Variants in HELQ observed in about 807,000 individuals in gnomAD.
The protein encoded by HELQ is helicase POLQ-like.
In HELQ, 77 loss-of-function variants were observed where a neutral mutation model predicts 111.6. The ratio of observed to expected loss-of-function variants is 0.69; its 90% CI spans 0.57 to 0.83. The LOEUF (loss-of-function observed/expected upper bound fraction) is 0.83, where lower values mean the gene tolerates loss of function less well. Among genes scored for constraint, HELQ ranks in the 40% least tolerant of loss-of-function variants. HELQ has a pLI of 0.00. For missense variants in HELQ, 1,200 were observed against 1,288.5 expected (o/e 0.93, Z 1.05); for synonymous variants, 438 against 454.7 (o/e 0.96, Z 0.47).
chr4:83,453,248 C>G lies in HELQ; in HGVS notation c.995G>C (p.Gly332Ala), dbSNP rs1721496409. The change falls in exon 2 of 18, where the codon GGA becomes GCA. Residue 332 changes from glycine (G) to alanine (A), a missense_variant. Gly to Ala is a moderately conservative substitution (Grantham distance 60). Coordinates refer to ENST00000295488, the MANE Select transcript of HELQ (RefSeq NM_133636.5). The stretch of plus-strand genomic sequence containing the variant: ...AGCATTACCATATAATTTTTCAATT[C>G]CCTTGAATTGGGCATAAAGGTCTCT... ...KVRDLYAQFK[G>A]IEKLYEWQHT... is the part of the protein sequence containing the mutation. 6.2e-7 allele frequency: 1 copy of G among 1,603,496 alleles called. No homozygotes were observed. Among genetic ancestry groups the G allele is most frequent in the Non-Finnish European group, 8.5e-7 (1 of 1,176,698 alleles).
intron 17 of HELQ, among the ~76,000 whole-genome samples, chr4:83,412,922 G>A (rs1214236250): frequency 6.6e-6 from 1 of 152,218 alleles, no homozygotes; most frequent in African/African-American, 2.4e-5. Flanking sequence ...GAACAGACGG[G>A]TCTTGCTGGG....
intron 13 of HELQ, among the ~76,000 whole-genome samples, chr4:83,427,195 C>T (rs1054578309): frequency 1.5e-4 from 22 of 151,606 alleles, no homozygotes; most frequent in African/African-American, 5.3e-4. Context: ...TTAACCTTTA[C>T]TTTTTTCAAT....
At chr4:83,439,807 A>G (rs1720673473) in intron 8 of HELQ, 56 bp downstream of exon 8, 2 of 1,145,390 alleles carry the variant, frequency 1.7e-6, no homozygotes, top group Non-Finnish European at 2.5e-6. Context: ...AAATTAATAC[A>G]TAGTCTGTAA....
chr4:83,446,231 A>G (rs1721040134), intron 4 of HELQ, 145 bp from the exon 5 acceptor site: 1 of 591,982 alleles, frequency 1.7e-6, no homozygotes, highest in Non-Finnish European at 3.0e-6. Context: ...TAATACATGT[A>G]TATTATTTCA....
At chr4:83,431,330 CTT>C (rs928681098) in intron 11 of HELQ, among the ~76,000 whole-genome samples, 1 of 145,938 alleles carries the variant, frequency 6.9e-6, no homozygotes. Context: ...ATTCAGTGAT[CTT>C]TTTTTTTTTG....
intron 17 of HELQ, among the ~76,000 whole-genome samples, chr4:83,410,004 A>T (rs1739000322): frequency 6.6e-6 from 1 of 152,146 alleles, no homozygotes; most frequent in Non-Finnish European, 1.5e-5. Flanking sequence ...TAATCCCAGC[A>T]CTTTGGGAGG....
intron 8 of HELQ, among the ~76,000 whole-genome samples, chr4:83,437,369 T>A (rs566623190): frequency 6.6e-6 from 1 of 152,054 alleles, no homozygotes; most frequent in East Asian, 1.9e-4. Flanking sequence ...TCTCAGCACT[T>A]TGGGAGGTAG....
chr4:83,437,677 G>A (rs1720537441), intron 8 of HELQ, among the ~76,000 whole-genome samples: 1 of 151,622 alleles, frequency 6.6e-6, no homozygotes, highest in African/African-American at 2.4e-5. Context: ...ATTTCAGAGG[G>A]TTCGTGGATT....
rs766204829 is a variant in HELQ, at chr4:83,416,828, C to T, written c.3101G>A (p.Ser1034Asn). Residue 1034 changes from serine to asparagine, a missense_variant, in exon 17 of 18, where the codon AGT becomes AAT. Ser to Asn is a conservative substitution (Grantham distance 46). Around this residue, in one of 3 missense-constraint regions of HELQ, gnomAD observed 585 missense variants for 665.3 expected, o/e 0.88. Coordinates refer to ENST00000295488, the MANE Select transcript of HELQ (RefSeq NM_133636.5). ...AKQLYSAGYK[S>N]LMHLANANPE... ...ATTTGCATTAGCTAAGTGCATTAGA[C>T]TTTTGTAACCTGCACTGTATAACTG... The T allele has an allele frequency of 6.2e-7, 1 of 1,613,800 alleles. No individual in the cohort carries two copies. Among genetic ancestry groups the T allele is most frequent in the East Asian group, 2.2e-5 (1 of 44,846 alleles).
intron 2 of HELQ, among the ~76,000 whole-genome samples, chr4:83,450,432 T>A (rs1402864993): frequency 6.6e-6 from 1 of 151,334 alleles, no homozygotes; most frequent in Non-Finnish European, 1.5e-5. Flanking sequence ...TGCTTTTGGG[T>A]GATTCCCAAA....
rs776698474 is a variant in HELQ, at chr4:83,418,074, A to G, written c.3063+19T>C. 7.4e-7 allele frequency: 1 copy of G among 1,357,240 alleles called. No homozygotes were observed. Among genetic ancestry groups the G allele is most frequent in the African/African-American group, 1.5e-5 (1 of 68,478 alleles). 84.1% of individuals were successfully genotyped at this position (1,357,240 alleles called of 1,614,324 possible). On this transcript the variant is annotated intron_variant, in intron 16 of 17. Coordinates refer to ENST00000295488, the MANE Select transcript of HELQ (RefSeq NM_133636.5). ...TTAATTCAACATAATTTCAATTGGG[A>G]AACCAACAAGCTACTGACCTCTAAA...
intron 15 of HELQ, among the ~76,000 whole-genome samples, chr4:83,420,028 G>A (rs11933162): frequency 0.079 from 11,987 of 152,118 alleles, 1,605 homozygotes; most frequent in African/African-American, 0.27. Context: ...AAAAGTTTTA[G>A]AAAATTGACT....
chr4:83,419,555 G>A (rs1467900310), intron 15 of HELQ, among the ~76,000 whole-genome samples: 1 of 146,974 alleles, frequency 6.8e-6, no homozygotes, highest in Non-Finnish European at 1.5e-5. Context: ...ATTTTTCTTA[G>A]GATTAGTCAT....
At chr4:83,439,675 C>A (rs1720667322) in intron 8 of HELQ, among the ~76,000 whole-genome samples, 188 bp downstream of exon 8, 1 of 152,192 alleles carries the variant, frequency 6.6e-6, no homozygotes, top group Non-Finnish European at 1.5e-5. Context: ...TAGAATGTTT[C>A]TCTGGCTATT....
chr4:83,426,433 T>A (rs1254359105), intron 13 of HELQ, among the ~76,000 whole-genome samples: 8 of 150,960 alleles, frequency 5.3e-5, no homozygotes, highest in African/African-American at 7.3e-5. Flanking sequence ...TAATGTAAAC[T>A]CAGGAAGTTG....
At chr4:83,421,099 T>C (rs1045468094) in intron 15 of HELQ, among the ~76,000 whole-genome samples, 13 of 152,140 alleles carry the variant, frequency 8.5e-5, no homozygotes, top group Non-Finnish European at 1.5e-5. Flanking sequence ...GCGGGAGCCA[T>C]GGCATCCAGT....
intron 3 of HELQ, among the ~76,000 whole-genome samples, chr4:83,448,061 T>C (rs1721148001): frequency 6.6e-6 from 1 of 151,484 alleles, no homozygotes; most frequent in Non-Finnish European, 1.5e-5. Context: ...AATACAAAAA[T>C]TAGCCAGGCA....
At chr4:83,451,242 CA>C (rs146919025) in intron 2 of HELQ, among the ~76,000 whole-genome samples, 2 of 150,936 alleles carry the variant, frequency 1.3e-5, no homozygotes, top group African/African-American at 2.4e-5. Flanking sequence ...CTCTAACTTG[CA>C]AAAAAAAATT....
intron 17 of HELQ, among the ~76,000 whole-genome samples, chr4:83,415,417 T>A (rs1739307136): frequency 6.6e-6 from 1 of 152,174 alleles, no homozygotes; most frequent in African/African-American, 2.4e-5. Flanking sequence ...AGGCAAAATT[T>A]AGCCTCAGTA....
Sources: allele counts gnomAD v4.1 joint callset (sites outside exome capture counted in the v4.1 genomes callset), GRCh38; gene constraint gnomAD v4.1.1; regional missense constraint gnomAD v4.1.1; transcripts MANE v1.5; gene names NCBI Gene and HGNC (gene_info 2026-07-23, HGNC 2026-07-21).